Variants in RNLS observed in about 807,000 individuals in gnomAD.
The protein encoded by RNLS is renalase.
A neutral mutation model predicts 39.8 loss-of-function variants in RNLS; 39 were observed. The ratio of observed to expected loss-of-function variants is 0.98; its 90% CI spans 0.76 to 1.28. RNLS has a LOEUF of 1.28. RNLS is among the 50% of genes most tolerant of loss of function. RNLS has a pLI of 0.00. For missense variants in RNLS, 410 were observed against 413.3 expected, an observed-to-expected ratio of 0.99 and a Z score of 0.07; for synonymous variants, 147 against 150.7, an observed-to-expected ratio of 0.98 and a Z score of 0.18.
chr10:88,303,740 G>A (rs978982366), intron 6 of RNLS, among the ~76,000 whole-genome samples: 3 of 152,094 alleles, frequency 2.0e-5, no homozygotes, highest in African/African-American at 4.8e-5. Flanking sequence ...CCCCACCCTT[G>A]TATTAATACT....
At chr10:88,545,457 G>T in intron 4 of RNLS, 1 of 456,320 alleles carries the variant, frequency 2.2e-6, no homozygotes. Context: ...CATGACTTAC[G>T]TGGTGGCAGG....
the RNLS span, among the ~76,000 whole-genome samples, chr10:88,186,611 A>G: frequency 2.0e-5 from 3 of 152,354 alleles, no homozygotes; most frequent in African/African-American, 7.2e-5. Flanking sequence ...TGGGTAAAGC[A>G]CATTGCAATT....
chr10:88,379,915 G>A (rs900250860), intron 4 of RNLS, among the ~76,000 whole-genome samples: 2 of 152,134 alleles, frequency 1.3e-5, no homozygotes, highest in Non-Finnish European at 2.9e-5. Flanking sequence ...GCTCCTGAAG[G>A]TATCAGCCCC....
the RNLS span, among the ~76,000 whole-genome samples, chr10:88,203,365 T>C: frequency 2.3e-3 from 6 of 2,568 alleles, 1 homozygote; most frequent in Non-Finnish European, 5.4e-3. Flanking sequence ...TACGTATGTG[T>C]GTGTATATAT....
intron 5 of RNLS, among the ~76,000 whole-genome samples, chr10:88,358,321 G>A (rs1197196723): frequency 6.6e-6 from 1 of 152,104 alleles, no homozygotes; most frequent in African/African-American, 2.4e-5. Context: ...TACAATTCCT[G>A]CCCAGGTGTG....
intron 4 of RNLS, among the ~76,000 whole-genome samples, chr10:88,466,407 ACT>A (rs1843206634): frequency 6.6e-6 from 1 of 152,074 alleles, no homozygotes; most frequent in African/African-American, 2.4e-5. Context: ...GCATAGGAAG[ACT>A]CTGTCTCACA....
intron 6 of RNLS, among the ~76,000 whole-genome samples, chr10:88,311,618 C>T (rs930558753): frequency 2.6e-5 from 4 of 152,286 alleles, no homozygotes; most frequent in African/African-American, 9.6e-5. Context: ...GAGTAGCACC[C>T]ACAAGAATGC....
At chr10:88,184,907 G>A in the RNLS span, among the ~76,000 whole-genome samples, 5 of 152,120 alleles carry the variant, frequency 3.3e-5, no homozygotes, top group Non-Finnish European at 5.9e-5. Flanking sequence ...CTCAGAGGCC[G>A]TGGAGAACAA....
chr10:88,461,316 A>G (rs1264457019), intron 4 of RNLS, among the ~76,000 whole-genome samples: 2 of 152,108 alleles, frequency 1.3e-5, no homozygotes, highest in Non-Finnish European at 2.9e-5. Flanking sequence ...TCCTTGCATG[A>G]AATTGCTAAC....
intron 5 of RNLS, among the ~76,000 whole-genome samples, chr10:88,343,027 T>A (rs1848066303): frequency 6.6e-6 from 1 of 152,298 alleles, no homozygotes; most frequent in African/African-American, 2.4e-5. Flanking sequence ...ATCTGGCCTT[T>A]ATAAAACATC....
chr10:88,233,217 A>G, the RNLS span, among the ~76,000 whole-genome samples: 1 of 152,302 alleles, frequency 6.6e-6, no homozygotes, highest in African/African-American at 2.4e-5. Flanking sequence ...CCAAGAAACA[A>G]TCCAATCTGT....
chr10:88,356,332 G>T (rs756626336), intron 5 of RNLS, among the ~76,000 whole-genome samples: 1 of 152,162 alleles, frequency 6.6e-6, no homozygotes, highest in Non-Finnish European at 1.5e-5. Flanking sequence ...GTAGACTGGA[G>T]CTGTTCCTAT....
the RNLS span, among the ~76,000 whole-genome samples, chr10:88,232,304 A>T: frequency 6.6e-6 from 1 of 152,170 alleles, no homozygotes; most frequent in Non-Finnish European, 1.5e-5. Flanking sequence ...AGGGGACCAG[A>T]ACAATGACCA....
intron 5 of RNLS, among the ~76,000 whole-genome samples, chr10:88,320,707 G>C (rs1164460840): frequency 1.3e-5 from 2 of 148,522 alleles, no homozygotes; most frequent in Non-Finnish European, 3.0e-5. Flanking sequence ...ACAAAGAAGG[G>C]TATTATATAA....
chr10:88,214,303 C>T, the RNLS span, among the ~76,000 whole-genome samples: 1 of 152,170 alleles, frequency 6.6e-6, no homozygotes, highest in Non-Finnish European at 1.5e-5. Flanking sequence ...GCCCTAGATA[C>T]AGCAAAACAG....
At chr10:88,473,611 C>CA (rs1843660974) in intron 4 of RNLS, among the ~76,000 whole-genome samples, 1 of 152,046 alleles carries the variant, frequency 6.6e-6, no homozygotes, top group South Asian at 2.1e-4. Context: ...ATGACTGCTA[C>CA]AAAAAATATA....
intron 4 of RNLS, among the ~76,000 whole-genome samples, chr10:88,479,072 G>A (rs890369981): frequency 4.6e-5 from 7 of 152,092 alleles, no homozygotes; most frequent in Non-Finnish European, 7.4e-5. Flanking sequence ...TGAACATATA[G>A]TGATCAACAA....
intron 5 of RNLS, among the ~76,000 whole-genome samples, chr10:88,347,500 G>C (rs1564715223): frequency 6.6e-6 from 1 of 152,092 alleles, no homozygotes; most frequent in Admixed American, 6.6e-5. Flanking sequence ...TTAGGCAGCA[G>C]ACTAAATTTC....
At chr10:88,400,613 T>C (rs1018343299) in intron 4 of RNLS, among the ~76,000 whole-genome samples, 12 of 152,032 alleles carry the variant, frequency 7.9e-5, no homozygotes, top group Admixed American at 3.9e-4. Context: ...TACTAGACCA[T>C]ATTTGTCAAA....
Sources: allele counts gnomAD v4.1 joint callset (sites outside exome capture counted in the v4.1 genomes callset), GRCh38; gene constraint gnomAD v4.1.1; transcripts MANE v1.5; gene names NCBI Gene and HGNC (gene_info 2026-07-23, HGNC 2026-07-21).